Variants in GPD2 observed in about 807,000 individuals in gnomAD.
The protein encoded by GPD2 is glycerol-3-phosphate dehydrogenase 2.
A neutral mutation model predicts 82.4 loss-of-function variants in GPD2; 54 were observed. That is an observed-to-expected ratio of 0.66 (90% confidence interval 0.53 to 0.82). GPD2 has a LOEUF of 0.82. GPD2 is among the 40% of genes least tolerant of loss of function. The pLI is 0.00. For missense variants in GPD2, 748 were observed against 896.2 expected (o/e 0.83, Z 2.11); for synonymous variants, 288 against 306.1 (o/e 0.94, Z 0.62).
chr2:156,514,789 AT>A (rs1318824377), intron 6 of GPD2, among the ~76,000 whole-genome samples: 2 of 152,090 alleles, frequency 1.3e-5, no homozygotes, highest in African/African-American at 4.8e-5. Context: ...CCACTTAACT[AT>A]TTTTTTGGTG....
intron 6 of GPD2, among the ~76,000 whole-genome samples, chr2:156,525,039 C>G (rs1685552525): frequency 6.6e-6 from 1 of 152,050 alleles, no homozygotes; most frequent in Admixed American, 6.5e-5. Context: ...ATCTGCCTAC[C>G]TTAAGGTATA....
chr2:156,460,599 G>A (rs568199106), intron 1 of GPD2, among the ~76,000 whole-genome samples: 3 of 152,238 alleles, frequency 2.0e-5, no homozygotes, highest in Admixed American at 1.3e-4. Flanking sequence ...TGTGACCTAG[G>A]GTTCTTTTCC....
chr2:156,572,072 G>A (rs561118296), intron 13 of GPD2, among the ~76,000 whole-genome samples: 12 of 152,164 alleles, frequency 7.9e-5, no homozygotes, highest in Middle Eastern at 3.4e-3. Context: ...CCAATTAGCA[G>A]CATTTGACAC....
At chr2:156,575,709 A>G (rs1046637909) in intron 13 of GPD2, among the ~76,000 whole-genome samples, 1 of 151,964 alleles carries the variant, frequency 6.6e-6, no homozygotes. Context: ...CCCGGTCCTC[A>G]TTTCCTTTTT....
intron 6 of GPD2, among the ~76,000 whole-genome samples, chr2:156,523,275 C>T (rs1294270151): frequency 6.6e-6 from 1 of 152,144 alleles, no homozygotes; most frequent in African/African-American, 2.4e-5. Context: ...CCCCTGGCAA[C>T]CAATGATCTT....
intron 1 of GPD2, among the ~76,000 whole-genome samples, chr2:156,461,546 T>G (rs965972089): frequency 5.9e-5 from 9 of 151,990 alleles, no homozygotes; most frequent in African/African-American, 2.2e-4. Flanking sequence ...GCCCAGCTCA[T>G]TTTTTCTATT....
At chr2:156,528,708 G>A (rs574725219) in intron 6 of GPD2, among the ~76,000 whole-genome samples, 4 of 151,104 alleles carry the variant, frequency 2.6e-5, no homozygotes, top group Non-Finnish European at 4.4e-5. Flanking sequence ...TTGTTCTTGC[G>A]ATAGTTTACT....
chr2:156,537,306 A>G (rs1420186725), intron 6 of GPD2, among the ~76,000 whole-genome samples: 2 of 152,216 alleles, frequency 1.3e-5, no homozygotes, highest in Non-Finnish European at 2.9e-5. Flanking sequence ...ACAACAGGGC[A>G]AGGGCACCTT....
At chr2:156,517,546 A>T (rs1395083113) in intron 6 of GPD2, among the ~76,000 whole-genome samples, 1 of 152,156 alleles carries the variant, frequency 6.6e-6, no homozygotes, top group African/African-American at 2.4e-5. Flanking sequence ...TGACTGAGAC[A>T]TGTCCTAGCA....
At chr2:156,479,203 A>C (rs1446112890) in intron 2 of GPD2, among the ~76,000 whole-genome samples, 3 of 152,262 alleles carry the variant, frequency 2.0e-5, no homozygotes, top group African/African-American at 7.2e-5. Context: ...ATATGTAAAG[A>C]AAACAATTGT....
intron 2 of GPD2, among the ~76,000 whole-genome samples, chr2:156,493,000 A>T (rs1684239554): frequency 6.6e-6 from 1 of 152,228 alleles, no homozygotes; most frequent in South Asian, 2.1e-4. Flanking sequence ...GTGGAACAAA[A>T]TTAGAAATTA....
At chr2:156,472,353 CT>C (rs2105194968) in intron 1 of GPD2, among the ~76,000 whole-genome samples, 1 of 152,268 alleles carries the variant, frequency 6.6e-6, no homozygotes. Flanking sequence ...CAGGGTCTTA[CT>C]CTGTCACCCA....
upstream of GPD2, among the ~76,000 whole-genome samples, chr2:156,432,080 G>C (rs371153783): frequency 6.6e-6 from 1 of 151,920 alleles, no homozygotes. Context: ...TAGAGACAAG[G>C]TTCCACCATG....
intron 1 of GPD2, among the ~76,000 whole-genome samples, chr2:156,437,677 C>T (rs890354098): frequency 6.6e-6 from 1 of 152,176 alleles, no homozygotes; most frequent in Non-Finnish European, 1.5e-5. Flanking sequence ...GGATTCATTG[C>T]AACTGTCCAT....
intron 13 of GPD2, among the ~76,000 whole-genome samples, chr2:156,573,490 G>A (rs999679552): frequency 6.6e-6 from 1 of 152,134 alleles, no homozygotes; most frequent in Non-Finnish European, 1.5e-5. Context: ...AAGGATTGGG[G>A]ATAATGTGTC....
intron 9 of GPD2, among the ~76,000 whole-genome samples, chr2:156,564,187 G>A (rs1288771125): frequency 1.3e-5 from 2 of 152,200 alleles, no homozygotes; most frequent in African/African-American, 4.8e-5. Flanking sequence ...CTCAAGAGGT[G>A]ATTAATGATT....
chr2:156,465,559 C>G (rs298255), intron 1 of GPD2, among the ~76,000 whole-genome samples: 137,901 of 151,962 alleles, frequency 0.91, 63,763 homozygotes, highest in South Asian at 1. Flanking sequence ...GAGACAGGGT[C>G]TCGCTTCCCA....
the GPD2 span, among the ~76,000 whole-genome samples, chr2:156,404,854 CAAAAA>C: frequency 8.3e-6 from 1 of 120,112 alleles, no homozygotes; most frequent in Non-Finnish European, 1.8e-5. Flanking sequence ...ACTCCGTCTC[CAAAAA>C]AAAAAAAAAG....
chr2:156,494,558 AG>A (rs1399210418), intron 2 of GPD2, among the ~76,000 whole-genome samples: 2 of 152,330 alleles, frequency 1.3e-5, no homozygotes, highest in African/African-American at 2.4e-5. Flanking sequence ...ATGCAACTGC[AG>A]GGGGTAAGTG....
Sources: allele counts gnomAD v4.1 joint callset (sites outside exome capture counted in the v4.1 genomes callset), GRCh38; gene constraint gnomAD v4.1.1; transcripts MANE v1.5; gene names NCBI Gene and HGNC (gene_info 2026-07-23, HGNC 2026-07-21).